Variants in ELMOD3 observed in about 807,000 individuals in gnomAD.
The protein encoded by ELMOD3 is ELMO domain-containing protein 3.
ELMOD3 carries 36 observed loss-of-function variants against 47.4 expected under a neutral mutation model. The ratio of observed to expected loss-of-function variants is 0.76; its 90% CI spans 0.58 to 1.00. The LOEUF (loss-of-function observed/expected upper bound fraction) is 1.00. Among genes scored for constraint, ELMOD3 ranks in the 50% least tolerant of loss-of-function variants. The pLI is 0.00. For synonymous variants in ELMOD3, 149 were observed against 183.5 expected (o/e 0.81, Z 1.52); for missense variants, 404 against 463.8 (o/e 0.87, Z 1.18).
At position 85,371,579 on chromosome 2, in the gene ELMOD3, G is replaced by C. The variant is rs2104590581; in HGVS notation, c.607+17G>C. 3.1e-6 allele frequency: 5 copies of C among 1,613,850 alleles called. No individual in the cohort carries two copies. The highest frequency in any genetic ancestry group is 4.2e-6 in the Non-Finnish European group (5 of 1,179,868). ...GCTTTCAGGGTAAGAGGGAGGAGTA[G>C]CTCATCTTCTTTTTCATGCCTCTGA... is the stretch of plus-strand genomic sequence containing the variant. On this transcript the variant is annotated intron_variant, in intron 10 of 13. Transcript: ENST00000409013.
At position 85,376,708 on chromosome 2, in the gene ELMOD3, G is replaced by T. The variant is rs1010294272; in HGVS notation, c.608-636G>T. Among the ~76,000 whole-genome samples, 16 of 152,178 alleles carry T rather than the reference G, an allele frequency of 1.1e-4. No homozygotes were observed. Among genetic ancestry groups the T allele is most frequent in the African/African-American group, 3.9e-4 (16 of 41,432 alleles). On this transcript the variant is annotated intron_variant, in intron 10 of 13. Coordinates refer to ENST00000409013, the MANE Select transcript of ELMOD3 (RefSeq NM_001135022.2). The surrounding 1 kb of genome is among the most constrained non-coding windows in gnomAD (Gnocchi z 4.2). Reference sequence around the variant, plus strand: ...ACATTTTTCTCTGTGGTGTTTTGCTGCAGTAGGGTGGGTATTGGCTAAAGC... The same window carrying T: ...ACATTTTTCTCTGTGGTGTTTTGCTTCAGTAGGGTGGGTATTGGCTAAAGC...
Position 85,390,863 on chromosome 2 carries a change from G to A in ELMOD3, c.1047G>A (p.Gln349=), listed in dbSNP as rs1396387023. ...GACAGGCCTCCTTGTTGGGAGCACAGAAGTGCTATGGGCCAGAAGCCCCTC... is the reference window on the plus strand; with the variant it reads ...GACAGGCCTCCTTGTTGGGAGCACAAAAGTGCTATGGGCCAGAAGCCCCTC... ...SKGQASLLGA[Q]KCYGPEAPPF... The change falls in exon 14 of 14, where the codon CAG becomes CAA. Residue 349 remains glutamine, a synonymous_variant. Transcript: ENST00000409013. 2.6e-6 allele frequency: 4 copies of A among 1,551,594 alleles called. No homozygotes were observed. The highest frequency in any genetic ancestry group is 2.4e-5 in the East Asian group (1 of 40,934).
chr2:85,370,421 A>G (rs1267609302), intron 8 of ELMOD3, among the ~76,000 whole-genome samples: 1 of 146,136 alleles, frequency 6.8e-6, no homozygotes, highest in African/African-American at 2.5e-5. Context: ...TGTCTCCGTA[A>G]AAAAAAAAAA....
At chr2:85,365,336 C>T (rs943100485) in intron 6 of ELMOD3, among the ~76,000 whole-genome samples, 8 of 149,672 alleles carry the variant, frequency 5.3e-5, no homozygotes, top group African/African-American at 2.0e-4. Flanking sequence ...GGCGACAGAG[C>T]GAGACTTCTT....
chr2:85,390,064 A>T (rs1311630723), intron 12 of ELMOD3, 74 bp from the exon 13 acceptor site: 2 of 1,455,022 alleles, frequency 1.4e-6, no homozygotes, highest in East Asian at 2.3e-5. Context: ...GGAAATGGGG[A>T]AGGAAGGCGG....
chr2:85,358,945 G>C (rs1683750516), intron 4 of ELMOD3, among the ~76,000 whole-genome samples: 1 of 152,110 alleles, frequency 6.6e-6, no homozygotes, highest in Non-Finnish European at 1.5e-5. Context: ...AAAATAAAAT[G>C]GTAAAATAGT....
chr2:85,371,771 C>T (rs1379589485), intron 10 of ELMOD3: 11 of 549,700 alleles, frequency 2.0e-5, no homozygotes, highest in East Asian at 7.8e-5. Context: ...TGGTGGCTCA[C>T]GCCTGTAATC....
intron 10 of ELMOD3, chr2:85,377,051 T>C: frequency 4.7e-6 from 1 of 212,704 alleles, no homozygotes. Context: ...AAATTCAGCC[T>C]TTTTTGTAAA....
At chr2:85,357,319 A>G in intron 4 of ELMOD3, 67 bp downstream of exon 4, 1 of 1,039,978 alleles carries the variant, frequency 9.6e-7, no homozygotes, top group South Asian at 1.5e-5. Flanking sequence ...TATAGTAAGA[A>G]TATATTAAGA....
Sources: gnomAD v4.1 joint callset for allele counts (sites outside exome capture counted in the v4.1 genomes callset) on GRCh38, gnomAD v4.1.1 for gene constraint, Gnocchi (gnomAD v3.1) non-coding constraint, MANE v1.5 for transcripts, NCBI Gene and HGNC (gene_info 2026-07-23, HGNC 2026-07-21) for gene names.